DOCK1: variants seen among roughly 807,000 people sequenced by gnomAD.
DOCK1 encodes dedicator of cytokinesis protein 1.
A neutral mutation model predicts 262.7 loss-of-function variants in DOCK1; 138 were observed. The observed-to-expected ratio is 0.53, with a 90% CI of 0.46 to 0.61. The LOEUF is 0.61. Ranked by LOEUF, DOCK1 falls within the 20% of genes least tolerant of loss-of-function variation. The probability of loss-of-function intolerance (pLI) is 0.00; values close to 1 mark genes in which losing one functional copy is unlikely to be tolerated. For synonymous variants in DOCK1, 866 were observed against 867.4 expected (o/e 1.00, Z 0.03); for missense variants, 1,908 against 2,370.7 (o/e 0.80, Z 4.05).
chr10:127,108,100 A>G (rs2048646105), intron 24 of DOCK1, among the ~76,000 whole-genome samples: 1 of 152,190 alleles, frequency 6.6e-6, no homozygotes, highest in Admixed American at 6.5e-5. Flanking sequence ...TTCCTCCTCA[A>G]TGCCTGTTAC....
chr10:127,012,103 G>A lies in DOCK1; in HGVS notation c.1059-129G>A, dbSNP rs948674291. On this transcript the variant is annotated intron_variant, in intron 11 of 51. Transcript: ENST00000623213. The surrounding 1 kb of genome is among the most constrained non-coding windows in gnomAD (Gnocchi z 4.0). ...CTTGTCACCTCTCCCATCCTTTGTC[G>A]TGCGTTGACTCATGATGCCTCCCTC... 68 of 627,628 alleles carry A rather than the reference G, an allele frequency of 1.1e-4. 2 individuals are homozygous for A. In the South Asian group the frequency reaches 1.1e-3, roughly 10 times the overall value. 38.9% of individuals were successfully genotyped at this position (627,628 alleles called of 1,614,324 possible). A position where few individuals can be genotyped will look rare whatever the true frequency, so the allele number is the denominator to read the frequency against.
At chr10:127,118,386 T>G (rs1003103417) in intron 25 of DOCK1, among the ~76,000 whole-genome samples, 30 of 152,194 alleles carry the variant, frequency 2.0e-4, no homozygotes, top group Admixed American at 1.8e-3. Flanking sequence ...CTCCATTGGC[T>G]CTTCTTTAAT....
intron 24 of DOCK1, among the ~76,000 whole-genome samples, chr10:127,107,705 G>A (rs2048615242): frequency 6.6e-6 from 1 of 152,094 alleles, no homozygotes; most frequent in Admixed American, 6.5e-5. Context: ...TGCACAGTGG[G>A]GCCTGGTCAT....
chr10:127,208,019 C>T (rs1450425922), intron 27 of DOCK1, among the ~76,000 whole-genome samples: 3 of 152,204 alleles, frequency 2.0e-5, no homozygotes, highest in African/African-American at 7.2e-5. Flanking sequence ...GCTCACCCGG[C>T]CTCCTCTGCG....
intron 18 of DOCK1, among the ~76,000 whole-genome samples, chr10:127,037,126 A>G (rs1414849834): frequency 6.6e-6 from 1 of 152,058 alleles, no homozygotes; most frequent in Non-Finnish European, 1.5e-5. Flanking sequence ...CAAAAACACA[A>G]CCATAACAAC....
chr10:127,215,593 T>A (rs2058172663), intron 27 of DOCK1, among the ~76,000 whole-genome samples: 1 of 152,186 alleles, frequency 6.6e-6, no homozygotes, highest in African/African-American at 2.4e-5. Flanking sequence ...TTTTAGACCC[T>A]GAAATAGACA....
intron 48 of DOCK1, among the ~76,000 whole-genome samples, chr10:127,433,727 G>A (rs752923386): frequency 6.6e-6 from 1 of 152,074 alleles, no homozygotes; most frequent in Non-Finnish European, 1.5e-5. Context: ...GAACAAGCTT[G>A]TCCACCCGCG....
At chr10:126,911,561 C>T (rs1046191174) in intron 1 of DOCK1, among the ~76,000 whole-genome samples, 3 of 152,212 alleles carry the variant, frequency 2.0e-5, no homozygotes, top group African/African-American at 4.8e-5. Flanking sequence ...TCAGTGCATC[C>T]GGAAGGCCTT....
At chr10:127,182,396 G>A (rs1228791682) in intron 27 of DOCK1, among the ~76,000 whole-genome samples, 1 of 152,136 alleles carries the variant, frequency 6.6e-6, no homozygotes, top group Non-Finnish European at 1.5e-5. Context: ...GAACAAAGGA[G>A]GGCAAGCATG....
rs192858112 is a variant in DOCK1 at position 127,228,494 on chromosome 10, G to A, written c.2848-19514G>A. Among the ~76,000 whole-genome samples, 199 of 152,238 alleles carry A rather than the reference G, an allele frequency of 1.3e-3. 1 individual carries two copies. The highest frequency in any genetic ancestry group is 2.6e-3 in the Admixed American group (40 of 15,296). On this transcript the variant is annotated intron_variant, in intron 27 of 51. Transcript: ENST00000623213. Reference sequence around the variant, plus strand: ...TCTGCTTCCAGGGGCTGAATTCCACGTCTGCATTATGCTTGCTGGGTGGGT... The same window carrying A: ...TCTGCTTCCAGGGGCTGAATTCCACATCTGCATTATGCTTGCTGGGTGGGT...
chr10:127,301,508 G>T (rs553294437), intron 29 of DOCK1, among the ~76,000 whole-genome samples: 34 of 152,342 alleles, frequency 2.2e-4, no homozygotes, highest in African/African-American at 7.2e-4. Flanking sequence ...CTTTGCTATT[G>T]TCATGAGGAG....
At chr10:126,959,490 A>G (rs1324947848) in intron 1 of DOCK1, among the ~76,000 whole-genome samples, 5 of 152,172 alleles carry the variant, frequency 3.3e-5, no homozygotes, top group Non-Finnish European at 7.3e-5. Context: ...ATGACTTCCC[A>G]GACCCCTTAG....
chr10:127,182,376 C>T (rs1218426923), intron 27 of DOCK1, among the ~76,000 whole-genome samples: 6 of 152,126 alleles, frequency 3.9e-5, no homozygotes, highest in Admixed American at 2.6e-4. Context: ...TGGCCTACTT[C>T]GGGGAGTGAG....
At chr10:127,194,436 C>T (rs767796589) in intron 27 of DOCK1, among the ~76,000 whole-genome samples, 1 of 152,196 alleles carries the variant, frequency 6.6e-6, no homozygotes, top group Non-Finnish European at 1.5e-5. Context: ...TAAATATGAA[C>T]TTTCAAAAGT....
At chr10:127,029,523 C>G (rs752683566) in intron 16 of DOCK1, among the ~76,000 whole-genome samples, 3 of 152,242 alleles carry the variant, frequency 2.0e-5, no homozygotes, top group South Asian at 2.1e-4. Context: ...ACTTGCAGCT[C>G]TCAGGCCCAG....
rs993756292 is a variant in DOCK1 at position 127,425,766 on chromosome 10, T to G, written c.4777-108T>G. 32 of 1,498,964 alleles carry G rather than the reference T, an allele frequency of 2.1e-5. No individual in the cohort carries two copies. In the African/African-American group the frequency reaches 3.9e-4, roughly 18 times the overall value. 92.9% of individuals were successfully genotyped at this position (1,498,964 alleles called of 1,614,324 possible). ...GTAAATTGAATCAGCTGGTTTGATT[T>G]GGAAACCAAAGCAGATCGTTTTGCC... On this transcript the variant is annotated intron_variant, in intron 46 of 51. Coordinates refer to ENST00000623213, the MANE Select transcript of DOCK1 (RefSeq NM_001290223.2).
chr10:126,952,371 GTAT>G (rs1221246666), intron 1 of DOCK1, among the ~76,000 whole-genome samples: 1 of 151,452 alleles, frequency 6.6e-6, no homozygotes, highest in African/African-American at 2.4e-5. Context: ...ACTGTTGGTA[GTAT>G]TGTTGGTAGT....
intron 47 of DOCK1, among the ~76,000 whole-genome samples, chr10:127,432,010 A>T (rs1412634094): frequency 6.6e-6 from 1 of 152,144 alleles, no homozygotes; most frequent in East Asian, 1.9e-4. Flanking sequence ...ACTCGATTGT[A>T]AACTGTGCAT....
intron 38 of DOCK1, among the ~76,000 whole-genome samples, chr10:127,388,691 G>A (rs2066280723): frequency 6.6e-6 from 1 of 152,182 alleles, no homozygotes; most frequent in Admixed American, 6.5e-5. Context: ...GAGGAACACA[G>A]CCGGAGAGGA....
Sources: allele counts gnomAD v4.1 joint callset (sites outside exome capture counted in the v4.1 genomes callset), GRCh38; gene constraint gnomAD v4.1.1; non-coding constraint Gnocchi (gnomAD v3.1); transcripts MANE v1.5; gene names NCBI Gene and HGNC (gene_info 2026-07-23, HGNC 2026-07-21).